Variants in NCAPG2 observed in about 807,000 individuals in gnomAD.
NCAPG2 encodes condensin-2 complex subunit G2.
A neutral mutation model predicts 141.1 loss-of-function variants in NCAPG2; 53 were observed. The ratio of observed to expected loss-of-function variants is 0.38; its 90% confidence interval spans 0.30 to 0.47. NCAPG2 has a LOEUF of 0.47. Ranked by LOEUF, NCAPG2 falls within the 20% of genes least tolerant of loss-of-function variation. The pLI is 0.99. For missense variants in NCAPG2, 1,087 were observed against 1,389.0 expected, an observed-to-expected ratio of 0.78 and a Z score of 3.46; for synonymous variants, 499 against 490.7, an observed-to-expected ratio of 1.02 and a Z score of -0.22.
chr7:158,682,911 C>T (rs1834530648), intron 9 of NCAPG2, among the ~76,000 whole-genome samples: 5 of 151,994 alleles, frequency 3.3e-5, no homozygotes, highest in Admixed American at 3.3e-4. Context: ...TCAAAAGAAA[C>T]AATCAAAACA....
At chr7:158,672,288 GTGTGTATATATATATATATATATATA>G (rs1833750901) in intron 12 of NCAPG2, among the ~76,000 whole-genome samples, 2 of 24,608 alleles carry the variant, frequency 8.1e-5, no homozygotes, top group African/African-American at 3.4e-4. Context: ...ATGTGTGTGT[GTGTGTATATATATATATATATATATA>G]TATATATATA....
At chr7:158,698,509 TC>T (rs1484888132) in intron 2 of NCAPG2, among the ~76,000 whole-genome samples, 3 of 152,348 alleles carry the variant, frequency 2.0e-5, no homozygotes, top group African/African-American at 7.2e-5. Context: ...CCTACAGTAT[TC>T]AGTACAGTAA....
intron 4 of NCAPG2, among the ~76,000 whole-genome samples, chr7:158,691,328 A>T (rs185745767): frequency 1.1e-4 from 16 of 152,370 alleles, no homozygotes; most frequent in African/African-American, 3.6e-4. Context: ...GATAGCAACT[A>T]CAGTGTTAGC....
chr7:158,655,532 A>T, intron 19 of NCAPG2, 77 bp from the exon 20 acceptor site: 5 of 1,242,024 alleles, frequency 4.0e-6, no homozygotes, highest in Non-Finnish European at 5.9e-6. Flanking sequence ...GAACAATGGG[A>T]AGCACCTGAT....
chr7:158,649,752 T>C (rs1442895082), intron 24 of NCAPG2, among the ~76,000 whole-genome samples: 2 of 152,232 alleles, frequency 1.3e-5, no homozygotes, highest in Non-Finnish European at 2.9e-5. Context: ...ATGCATATAA[T>C]TCAATGACCT....
chr7:158,644,168 G>A (rs1390007472), intron 27 of NCAPG2, 121 bp downstream of exon 27: 1 of 721,748 alleles, frequency 1.4e-6, no homozygotes, highest in African/African-American at 1.8e-5. Context: ...TCTCTCCTTA[G>A]AGTCCCCAGT....
intron 11 of NCAPG2, among the ~76,000 whole-genome samples, chr7:158,676,684 G>A (rs1834070484): frequency 6.6e-6 from 1 of 152,092 alleles, no homozygotes; most frequent in Admixed American, 6.5e-5. Flanking sequence ...GGGCACACAG[G>A]GGTTATTACT....
At chr7:158,648,255 G>A (rs1411833805) in intron 24 of NCAPG2, among the ~76,000 whole-genome samples, 1 of 151,800 alleles carries the variant, frequency 6.6e-6, no homozygotes, top group African/African-American at 2.4e-5. Context: ...AATTTCTGAA[G>A]GTACTGAGAT....
At chr7:158,699,433 T>C (rs1383778022) in intron 2 of NCAPG2, among the ~76,000 whole-genome samples, 1 of 152,216 alleles carries the variant, frequency 6.6e-6, no homozygotes, top group Non-Finnish European at 1.5e-5. Context: ...TGGGATTTCA[T>C]AGGCAAGAAA....
At chr7:158,673,910 G>A (rs1420167891) in intron 12 of NCAPG2, among the ~76,000 whole-genome samples, 1 of 152,210 alleles carries the variant, frequency 6.6e-6, no homozygotes, top group Non-Finnish European at 1.5e-5. Context: ...ATTCTGCTCA[G>A]AGGTCAAAAA....
chr7:158,700,534 T>C (rs187992861), intron 2 of NCAPG2, among the ~76,000 whole-genome samples: 1 of 152,246 alleles, frequency 6.6e-6, no homozygotes, highest in Admixed American at 6.5e-5. Context: ...ATACAATCCA[T>C]ATACACTGCT....
intron 27 of NCAPG2, among the ~76,000 whole-genome samples, chr7:158,639,029 G>T (rs557796732): frequency 2.3e-4 from 35 of 152,308 alleles, no homozygotes; most frequent in African/African-American, 8.2e-4. Flanking sequence ...TTATACTGAG[G>T]TATTGGGGTG....
chr7:158,702,098 AAAAACAATTTACTT>A (rs1160399200), intron 1 of NCAPG2, 160 bp from the exon 2 acceptor site: 1 of 479,974 alleles, frequency 2.1e-6, no homozygotes, highest in East Asian at 3.6e-5. Flanking sequence ...ATAATATCTG[AAAAACAATTTACTT>A]ATTTCCTTTA....
chr7:158,690,061 C>A, intron 5 of NCAPG2, 108 bp from the exon 6 acceptor site: 1 of 1,040,536 alleles, frequency 9.6e-7, no homozygotes. Context: ...GTTGATTCAT[C>A]AAAGATTAAA....
At chr7:158,686,102 T>A in intron 8 of NCAPG2, 70 bp downstream of exon 8, 1 of 961,966 alleles carries the variant, frequency 1.0e-6, no homozygotes, top group Non-Finnish European at 1.5e-6. Context: ...AAATAACCCT[T>A]CTTTGACTAC....
At chr7:158,667,467 TTACCCACTACTGGGTCCCTC>T (rs1833152257) in intron 13 of NCAPG2, among the ~76,000 whole-genome samples, 1 of 136,448 alleles carries the variant, frequency 7.3e-6, no homozygotes, top group African/African-American at 2.9e-5. Context: ...TCCGCCCGCC[TTACCCACTACTGGGTCCCTC>T]CGCCCGCCTT....
chr7:158,643,862 A>C (rs1830810744), intron 27 of NCAPG2, among the ~76,000 whole-genome samples: 1 of 152,242 alleles, frequency 6.6e-6, no homozygotes, highest in Non-Finnish European at 1.5e-5. Context: ...GGCTGTGCGT[A>C]GCAATGGGCT....
intron 27 of NCAPG2, chr7:158,639,938 G>A: frequency 2.9e-6 from 2 of 681,320 alleles, no homozygotes; most frequent in Non-Finnish European, 3.6e-6. Context: ...TGTAAAAGGT[G>A]TTAACATGTA....
At chr7:158,653,364 C>CA (rs5888764) in intron 22 of NCAPG2, among the ~76,000 whole-genome samples, 17 of 130,014 alleles carry the variant, frequency 1.3e-4, no homozygotes, top group Non-Finnish European at 1.8e-4. Context: ...GACTTGGTCT[C>CA]AAAAAAAAAA....
Sources: allele counts gnomAD v4.1 joint callset (sites outside exome capture counted in the v4.1 genomes callset), GRCh38; gene constraint gnomAD v4.1.1; transcripts MANE v1.5; gene names NCBI Gene and HGNC (gene_info 2026-07-23, HGNC 2026-07-21).